The following DYNC1I1 variants were observed in gnomAD, a reference collection of about 807,000 sequenced individuals.
DYNC1I1 encodes cytoplasmic dynein 1 intermediate chain 1.
A neutral mutation model predicts 86.6 loss-of-function variants in DYNC1I1; 43 were observed. That is an observed-to-expected ratio of 0.50 (90% CI 0.39 to 0.64). The LOEUF is 0.64. DYNC1I1 is among the 30% of genes least tolerant of loss of function. DYNC1I1 has a pLI of 0.00. For missense variants in DYNC1I1, 604 were observed against 788.8 expected, an observed-to-expected ratio of 0.77 and a Z score of 2.81; for synonymous variants, 262 against 283.7, an observed-to-expected ratio of 0.92 and a Z score of 0.77.
At chr7:96,013,919 A>G (rs920428065) in intron 10 of DYNC1I1, among the ~76,000 whole-genome samples, 5 of 152,188 alleles carry the variant, frequency 3.3e-5, no homozygotes, top group African/African-American at 1.2e-4. Flanking sequence ...CAGAATTAAC[A>G]TGATTTTCAC....
intron 6 of DYNC1I1, among the ~76,000 whole-genome samples, chr7:95,902,702 C>T (rs535347337): frequency 2.6e-5 from 4 of 152,168 alleles, no homozygotes; most frequent in South Asian, 4.1e-4. Context: ...GAAACGTAGT[C>T]GTCTAAAAAC....
At chr7:95,929,496 T>TG (rs2116403987) in intron 6 of DYNC1I1, among the ~76,000 whole-genome samples, 1 of 152,348 alleles carries the variant, frequency 6.6e-6, no homozygotes, top group East Asian at 1.9e-4. Flanking sequence ...GAAAGTATGC[T>TG]GCTCATTAAC....
At chr7:95,813,083 C>CT (rs1304453963) in intron 3 of DYNC1I1, 164 bp from the exon 4 acceptor site, 9 of 1,395,740 alleles carry the variant, frequency 6.4e-6, no homozygotes, top group Non-Finnish European at 8.5e-6. Flanking sequence ...GACTTTTTTC[C>CT]TTTTCTTTCC....
intron 10 of DYNC1I1, among the ~76,000 whole-genome samples, chr7:96,027,103 C>T (rs1425915563): frequency 1.3e-5 from 2 of 152,142 alleles, no homozygotes; most frequent in Non-Finnish European, 2.9e-5. Context: ...ACAAAGGCAC[C>T]GTATGGACTG....
intron 5 of DYNC1I1, among the ~76,000 whole-genome samples, chr7:95,828,775 C>T (rs1795258086): frequency 6.6e-6 from 1 of 152,050 alleles, no homozygotes; most frequent in South Asian, 2.1e-4. Context: ...TGGAATAAAA[C>T]ACACAGACAT....
intron 6 of DYNC1I1, among the ~76,000 whole-genome samples, chr7:95,881,009 T>A (rs918131634): frequency 6.6e-6 from 1 of 152,174 alleles, no homozygotes; most frequent in Non-Finnish European, 1.5e-5. Flanking sequence ...GCTATTTATT[T>A]AGTCCTCTTA....
At chr7:95,979,053 C>G (rs776748924) in intron 7 of DYNC1I1, among the ~76,000 whole-genome samples, 3 of 152,192 alleles carry the variant, frequency 2.0e-5, no homozygotes, top group Non-Finnish European at 4.4e-5. Flanking sequence ...CTTAGCCTCC[C>G]AAAGTGCTGG....
intron 6 of DYNC1I1, among the ~76,000 whole-genome samples, chr7:95,922,769 T>C (rs1791644475): frequency 6.6e-6 from 1 of 152,178 alleles, no homozygotes; most frequent in African/African-American, 2.4e-5. Context: ...TTGAAAAAAC[T>C]ACTTAAATAC....
chr7:95,919,132 T>C (rs1206727624), intron 6 of DYNC1I1, among the ~76,000 whole-genome samples: 1 of 152,224 alleles, frequency 6.6e-6, no homozygotes, highest in African/African-American at 2.4e-5. Flanking sequence ...TGTGTATTTT[T>C]ATATATTCAT....
intron 10 of DYNC1I1, among the ~76,000 whole-genome samples, chr7:95,997,235 T>G (rs1793888603): frequency 6.6e-6 from 1 of 152,150 alleles, no homozygotes; most frequent in Non-Finnish European, 1.5e-5. Context: ...TTTAAGATTT[T>G]CAAGTCAGCT....
At chr7:95,980,366 A>T (rs931724451) in intron 7 of DYNC1I1, among the ~76,000 whole-genome samples, 1 of 151,752 alleles carries the variant, frequency 6.6e-6, no homozygotes. Flanking sequence ...TCTCTAGCAG[A>T]TATAATCGTG....
intron 2 of DYNC1I1, among the ~76,000 whole-genome samples, chr7:95,805,444 A>G (rs1236813320): frequency 2.0e-5 from 3 of 152,140 alleles, no homozygotes; most frequent in Non-Finnish European, 4.4e-5. Context: ...AGGATAGTAC[A>G]GTACAAAGAA....
intron 6 of DYNC1I1, among the ~76,000 whole-genome samples, chr7:95,908,787 C>A (rs1791243703): frequency 6.6e-6 from 1 of 152,054 alleles, no homozygotes; most frequent in Non-Finnish European, 1.5e-5. Context: ...GCAGGGCATC[C>A]CCAGTGGAGC....
chr7:96,016,598 G>C (rs1277709934), intron 10 of DYNC1I1, among the ~76,000 whole-genome samples: 1 of 152,084 alleles, frequency 6.6e-6, no homozygotes, highest in Admixed American at 6.5e-5. Context: ...AATCTGGTTA[G>C]CTTATTTTTT....
At chr7:95,892,580 G>A (rs141119040) in intron 6 of DYNC1I1, among the ~76,000 whole-genome samples, 5,776 of 152,172 alleles carry the variant, frequency 0.038, 337 homozygotes, top group African/African-American at 0.12. Flanking sequence ...CAAAGTGCTG[G>A]GATTACAGGT....
At chr7:95,881,708 G>A (rs777392317) in intron 6 of DYNC1I1, among the ~76,000 whole-genome samples, 20 of 152,322 alleles carry the variant, frequency 1.3e-4, no homozygotes, top group African/African-American at 3.4e-4. Context: ...AGATTGAGCC[G>A]ATGGCTCAAA....
chr7:96,107,869 GT>G (rs1178550637), intron 16 of DYNC1I1, among the ~76,000 whole-genome samples: 4,807 of 119,030 alleles, frequency 0.04, 119 homozygotes, highest in African/African-American at 0.1. Flanking sequence ...TCATTGACAG[GT>G]TTTTTTTTTT....
At chr7:95,856,425 T>G (rs1789725854) in intron 5 of DYNC1I1, among the ~76,000 whole-genome samples, 1 of 152,258 alleles carries the variant, frequency 6.6e-6, no homozygotes. Context: ...TTTCTTTTTT[T>G]CATCATACAT....
chr7:95,975,155 C>A (rs568180735), intron 6 of DYNC1I1, among the ~76,000 whole-genome samples: 1 of 152,266 alleles, frequency 6.6e-6, no homozygotes, highest in African/African-American at 2.4e-5. Context: ...CTCATCACTG[C>A]CTTAAGTGTT....
Sources: allele counts gnomAD v4.1 joint callset (sites outside exome capture counted in the v4.1 genomes callset), GRCh38; gene constraint gnomAD v4.1.1; transcripts MANE v1.5; gene names NCBI Gene and HGNC (gene_info 2026-07-23, HGNC 2026-07-21).